The following ZCWPW2 variants were observed in gnomAD, a reference collection of about 807,000 sequenced individuals.
ZCWPW2 encodes the protein zinc finger CW-type PWWP domain protein 2.
Under a neutral mutation model 46.6 loss-of-function variants are expected in ZCWPW2, and 45 were observed. That is an observed-to-expected ratio of 0.96 (90% CI 0.76 to 1.24). ZCWPW2 has a LOEUF of 1.24. Among genes scored for constraint, ZCWPW2 ranks in the 50% most tolerant of loss-of-function variants. ZCWPW2 has a pLI of 0.00. For missense variants in ZCWPW2, 429 were observed against 403.9 expected (o/e 1.06, Z -0.53); for synonymous variants, 152 against 137.1 (o/e 1.11, Z -0.76).
At chr3:28,377,795 A>T (rs921208723) in intron 1 of ZCWPW2, among the ~76,000 whole-genome samples, 4 of 152,098 alleles carry the variant, frequency 2.6e-5, no homozygotes, top group Non-Finnish European at 5.9e-5. Flanking sequence ...AATATGCTGA[A>T]TAAAATTGGC....
At chr3:28,435,401 A>G (rs985339046) in intron 4 of ZCWPW2, 132 bp downstream of exon 4, 5 of 754,366 alleles carry the variant, frequency 6.6e-6, no homozygotes, top group Non-Finnish European at 9.5e-6. Flanking sequence ...TTTAATTCAA[A>G]TATTTGTATT....
intron 1 of ZCWPW2, among the ~76,000 whole-genome samples, chr3:28,362,557 A>G (rs1397543669): frequency 1.3e-5 from 2 of 152,164 alleles, no homozygotes; most frequent in Non-Finnish European, 2.9e-5. Context: ...GGCTATCACT[A>G]AAAGGTAAAA....
chr3:28,355,169 A>C (rs187247068), intron 1 of ZCWPW2, among the ~76,000 whole-genome samples: 291 of 152,346 alleles, frequency 1.9e-3, no homozygotes, highest in African/African-American at 6.6e-3. Context: ...AGGACGCAAA[A>C]TCAATGTGCA....
chr3:28,520,166 G>C (rs1448553984), intron 8 of ZCWPW2, among the ~76,000 whole-genome samples: 3 of 151,788 alleles, frequency 2.0e-5, no homozygotes, highest in Non-Finnish European at 4.4e-5. Context: ...CACCACGCCA[G>C]GCTAATTTTT....
chr3:28,441,496 G>T (rs1041706411), intron 4 of ZCWPW2, among the ~76,000 whole-genome samples: 1 of 152,188 alleles, frequency 6.6e-6, no homozygotes, highest in African/African-American at 2.4e-5. Flanking sequence ...GAAAGAGGCT[G>T]TAGTGCTGCA....
At chr3:28,404,031 A>G (rs913149444) in intron 2 of ZCWPW2, among the ~76,000 whole-genome samples, 1 of 152,158 alleles carries the variant, frequency 6.6e-6, no homozygotes, top group Non-Finnish European at 1.5e-5. Flanking sequence ...AATAAAAACA[A>G]AGACAAATAG....
chr3:28,409,264 C>T (rs753609802), intron 2 of ZCWPW2, among the ~76,000 whole-genome samples: 36 of 151,474 alleles, frequency 2.4e-4, no homozygotes, highest in South Asian at 2.1e-4. Context: ...GGATTACAGG[C>T]GCCTGCCACC....
intron 1 of ZCWPW2, among the ~76,000 whole-genome samples, chr3:28,378,279 T>C (rs1705565379): frequency 6.6e-6 from 1 of 151,962 alleles, no homozygotes; most frequent in Non-Finnish European, 1.5e-5. Flanking sequence ...AGTTTAAAGA[T>C]TAGAAGAAAA....
At chr3:28,350,853 A>C (rs1577156202) in intron 1 of ZCWPW2, among the ~76,000 whole-genome samples, 1 of 151,916 alleles carries the variant, frequency 6.6e-6, no homozygotes, top group South Asian at 2.1e-4. Context: ...TTAAGCTCTA[A>C]GAAAGAAAAG....
intron 6 of ZCWPW2, among the ~76,000 whole-genome samples, chr3:28,497,037 A>G (rs1700008698): frequency 6.7e-6 from 1 of 149,850 alleles, no homozygotes; most frequent in Non-Finnish European, 1.5e-5. Flanking sequence ...GGGTATTTAT[A>G]TACATTATAT....
Position 28,406,895 on chromosome 3 carries a change from A to T in ZCWPW2, c.-13-6161A>T, listed in dbSNP as rs144832644. On this transcript the variant is annotated intron_variant, in intron 2 of 9. Coordinates refer to ENST00000383768, the MANE Select transcript of ZCWPW2 (RefSeq NM_001040432.4). ...CAGGCTACACTGCAGTGGCATCATC[A>T]TAGCTCACTGCAGCTTCCAACTCCT... 2.6e-3 allele frequency among the ~76,000 whole-genome samples: 379 copies of T among 146,854 alleles called. 1 individual carries two copies. The highest frequency in any genetic ancestry group is 8.7e-3 in the African/African-American group (344 of 39,640).
At chr3:28,465,143 A>G (rs755762405) in intron 4 of ZCWPW2, among the ~76,000 whole-genome samples, 5 of 152,112 alleles carry the variant, frequency 3.3e-5, no homozygotes, top group Non-Finnish European at 7.4e-5. Flanking sequence ...TCCTTTGCTA[A>G]TTTGTTTCTA....
intron 4 of ZCWPW2, among the ~76,000 whole-genome samples, chr3:28,457,904 A>C (rs1436345710): frequency 2.6e-5 from 4 of 152,224 alleles, no homozygotes; most frequent in Non-Finnish European, 5.9e-5. Context: ...TACCATCTTA[A>C]TCATTTTTAA....
chr3:28,439,539 T>C (rs930285535), intron 4 of ZCWPW2, among the ~76,000 whole-genome samples: 20 of 152,008 alleles, frequency 1.3e-4, no homozygotes, highest in African/African-American at 4.8e-4. Context: ...AAGTTGACAC[T>C]CAGTATTAAC....
intron 4 of ZCWPW2, among the ~76,000 whole-genome samples, chr3:28,455,126 C>G (rs529316172): frequency 1.3e-5 from 2 of 152,332 alleles, no homozygotes; most frequent in South Asian, 2.1e-4. Context: ...TCCCTTTTCT[C>G]TACAACCTCA....
chr3:28,388,774 C>G (rs1414146617), intron 1 of ZCWPW2, among the ~76,000 whole-genome samples: 1 of 152,154 alleles, frequency 6.6e-6, no homozygotes, highest in Non-Finnish European at 1.5e-5. Flanking sequence ...CACCTTCAGC[C>G]AGCATCTCAG....
chr3:28,470,013 G>C (rs1281666397), intron 4 of ZCWPW2, among the ~76,000 whole-genome samples: 1 of 152,130 alleles, frequency 6.6e-6, no homozygotes, highest in Non-Finnish European at 1.5e-5. Flanking sequence ...TCTAAAGATA[G>C]ACCATATGTT....
At chr3:28,353,338 A>G (rs1704623331) in intron 1 of ZCWPW2, among the ~76,000 whole-genome samples, 1 of 152,206 alleles carries the variant, frequency 6.6e-6, no homozygotes, top group African/African-American at 2.4e-5. Flanking sequence ...GTAGGGAAGT[A>G]TGATAGGGTG....
chr3:28,379,401 A>G (rs1705599398), intron 1 of ZCWPW2, among the ~76,000 whole-genome samples: 1 of 152,198 alleles, frequency 6.6e-6, no homozygotes, highest in South Asian at 2.1e-4. Context: ...GTGCTATAGA[A>G]TGAGGGTAAA....
Sources: gnomAD v4.1 joint callset for allele counts (sites outside exome capture counted in the v4.1 genomes callset) on GRCh38, gnomAD v4.1.1 for gene constraint, MANE v1.5 for transcripts, NCBI Gene and HGNC (gene_info 2026-07-23, HGNC 2026-07-21) for gene names.